Variants in HDAC9 observed in about 807,000 individuals in gnomAD.
HDAC9 encodes the protein histone deacetylase 9.
Under a neutral mutation model 139.4 loss-of-function variants are expected in HDAC9, and 41 were observed. The ratio of observed to expected loss-of-function variants is 0.29; its 90% confidence interval spans 0.23 to 0.38. The LOEUF is 0.38. HDAC9 is among the 10% of genes least tolerant of loss of function. HDAC9 has a pLI of 1.00. For missense variants in HDAC9, 1,147 were observed against 1,297.0 expected (o/e 0.88, Z 1.78); for synonymous variants, 517 against 476.2 (o/e 1.09, Z -1.12).
intron 19 of HDAC9, among the ~76,000 whole-genome samples, chr7:18,832,783 T>C (rs1232456835): frequency 6.6e-6 from 1 of 152,180 alleles, no homozygotes; most frequent in African/African-American, 2.4e-5. Context: ...TTGCCCAGGC[T>C]GGAGTGCAAT....
At chr7:18,538,618 A>G (rs938598811) in intron 2 of HDAC9, among the ~76,000 whole-genome samples, 2 of 152,240 alleles carry the variant, frequency 1.3e-5, no homozygotes, top group African/African-American at 2.4e-5. Flanking sequence ...AGTAAAAGGA[A>G]AGCACCCTCT....
intron 1 of HDAC9, among the ~76,000 whole-genome samples, chr7:18,340,324 C>T (rs2128660035): frequency 6.6e-6 from 1 of 151,586 alleles, no homozygotes; most frequent in Middle Eastern, 3.4e-3. Flanking sequence ...TGGTAATCTC[C>T]ACCTTTAAAT....
At chr7:18,389,712 A>G (rs1436580210) in intron 1 of HDAC9, among the ~76,000 whole-genome samples, 1 of 152,154 alleles carries the variant, frequency 6.6e-6, no homozygotes, top group African/African-American at 2.4e-5. Flanking sequence ...GAAAATGTTT[A>G]CCTTAAAGAC....
intron 2 of HDAC9, among the ~76,000 whole-genome samples, chr7:18,163,469 A>T (rs1489900672): frequency 1.3e-5 from 2 of 152,186 alleles, no homozygotes; most frequent in African/African-American, 4.8e-5. Context: ...AACAAGCCCT[A>T]TTCTCATAGT....
chr7:18,118,986 C>T (rs1784195180), intron 1 of HDAC9, among the ~76,000 whole-genome samples: 1 of 152,168 alleles, frequency 6.6e-6, no homozygotes, highest in Non-Finnish European at 1.5e-5. Context: ...AGAGTTGAAC[C>T]TGGCTTCTTT....
chr7:18,479,331 A>G (rs150433761), intron 1 of HDAC9, among the ~76,000 whole-genome samples: 1 of 152,302 alleles, frequency 6.6e-6, no homozygotes, highest in African/African-American at 2.4e-5. Flanking sequence ...GATACAAAAA[A>G]TAAGAGTTTA....
intron 22 of HDAC9, among the ~76,000 whole-genome samples, chr7:18,927,405 C>T (rs1349628803): frequency 2.0e-5 from 3 of 152,142 alleles, no homozygotes; most frequent in Non-Finnish European, 4.4e-5. Context: ...ACCCGAATTT[C>T]TCTCTCTACT....
rs142112193 is a variant in HDAC9, at chr7:18,792,568, A to G, written c.2215-777A>G. On this transcript the variant is annotated intron_variant, in intron 16 of 25. Transcript: ENST00000686413. The stretch of plus-strand genomic sequence containing the variant: ...AGGGTAAACAGCATTTTATAAAGGG[A>G]AATCCAGAATATTGGTACATGCTTT... 3.1e-3 allele frequency among the ~76,000 whole-genome samples: 467 copies of G among 152,274 alleles called. 4 individuals carry two copies. Among genetic ancestry groups the G allele is most frequent in the African/African-American group, 0.011 (450 of 41,556 alleles).
chr7:18,110,159 G>T (rs1033319669), intron 1 of HDAC9, among the ~76,000 whole-genome samples: 2 of 152,166 alleles, frequency 1.3e-5, no homozygotes, highest in African/African-American at 4.8e-5. Context: ...CTTCTTGGAC[G>T]TGCACTTTCT....
intron 1 of HDAC9, among the ~76,000 whole-genome samples, chr7:18,459,371 T>C (rs1781683528): frequency 6.6e-6 from 1 of 152,128 alleles, no homozygotes; most frequent in South Asian, 2.1e-4. Context: ...AGCATAAAAT[T>C]ATATTAAACT....
chr7:18,460,297 C>G (rs1362382430), intron 1 of HDAC9, among the ~76,000 whole-genome samples: 1 of 151,982 alleles, frequency 6.6e-6, no homozygotes, highest in Non-Finnish European at 1.5e-5. Flanking sequence ...TGTAGTTTAA[C>G]CTGTGTGGAA....
chr7:18,580,098 C>T (rs961797816), intron 2 of HDAC9, among the ~76,000 whole-genome samples: 4 of 152,122 alleles, frequency 2.6e-5, no homozygotes, highest in African/African-American at 9.7e-5. Context: ...ATCCTTAGTA[C>T]TCTGAATGAA....
chr7:18,897,817 TAAA>T (rs34967225), intron 22 of HDAC9, among the ~76,000 whole-genome samples: 22 of 141,378 alleles, frequency 1.6e-4, no homozygotes, highest in South Asian at 6.8e-4. Context: ...TATGGTTACT[TAAA>T]AAAAAAAAAA....
chr7:18,805,899 GA>G (rs1369834359), intron 17 of HDAC9, among the ~76,000 whole-genome samples: 1 of 152,114 alleles, frequency 6.6e-6, no homozygotes, highest in African/African-American at 2.4e-5. Flanking sequence ...GAGTAAGAAG[GA>G]AAAAATATAA....
intron 2 of HDAC9, among the ~76,000 whole-genome samples, chr7:18,181,850 T>C (rs1211287122): frequency 6.6e-6 from 1 of 152,138 alleles, no homozygotes. Context: ...AATACAAGGG[T>C]ACTGATACAA....
chr7:18,671,906 A>T (rs559373615), intron 12 of HDAC9, among the ~76,000 whole-genome samples: 14 of 152,064 alleles, frequency 9.2e-5, no homozygotes, highest in African/African-American at 2.9e-4. Context: ...ATTCCTTCTT[A>T]TGGCTGAGTA....
At chr7:18,462,277 T>TA (rs142615991) in intron 1 of HDAC9, among the ~76,000 whole-genome samples, 2 of 152,222 alleles carry the variant, frequency 1.3e-5, no homozygotes, top group Non-Finnish European at 2.9e-5. Flanking sequence ...TTCCTTTGTC[T>TA]AGGCTTCTGG....
At chr7:18,956,292 C>T (rs562047833) in intron 24 of HDAC9, among the ~76,000 whole-genome samples, 6 of 152,174 alleles carry the variant, frequency 3.9e-5, no homozygotes, top group South Asian at 4.1e-4. Flanking sequence ...CATAATTTCT[C>T]AAGACCAATA....
At chr7:18,421,100 A>T (rs1465050532) in intron 1 of HDAC9, among the ~76,000 whole-genome samples, 1 of 152,176 alleles carries the variant, frequency 6.6e-6, no homozygotes, top group Non-Finnish European at 1.5e-5. Flanking sequence ...ACCCTTCATT[A>T]TCCTTAAAAT....
Sources: gnomAD v4.1 joint callset for allele counts (sites outside exome capture counted in the v4.1 genomes callset) on GRCh38, gnomAD v4.1.1 for gene constraint, MANE v1.5 for transcripts, NCBI Gene and HGNC (gene_info 2026-07-23, HGNC 2026-07-21) for gene names.